Variants in AFF2 observed in about 807,000 individuals in gnomAD.
The protein encoded by AFF2 is ALF transcription elongation factor 2.
AFF2 carries 14 observed loss-of-function variants against 76.9 expected under a neutral mutation model. The observed-to-expected ratio is 0.18, with a 90% CI of 0.12 to 0.28. The LOEUF is 0.28. Among genes scored for constraint, AFF2 ranks in the 10% least tolerant of loss-of-function variants. The probability of loss-of-function intolerance (pLI) is 1.00; values close to 1 mark genes in which losing one functional copy is unlikely to be tolerated. For missense variants in AFF2, 868 were observed against 1,001.1 expected (o/e 0.87, Z 1.79); for synonymous variants, 398 against 366.7 (o/e 1.09, Z -0.98).
intron 3 of AFF2, among the ~76,000 whole-genome samples, chrX:148,791,252 G>A (rs1014211430): frequency 8.9e-6 from 1 of 112,012 alleles, no homozygotes; most frequent in Admixed American, 9.5e-5. Flanking sequence ...GCACCACATG[G>A]CTGGAGAGGC....
intron 1 of AFF2, among the ~76,000 whole-genome samples, chrX:148,632,737 A>C (rs1245707056): frequency 8.9e-6 from 1 of 112,049 alleles, no homozygotes; most frequent in Non-Finnish European, 1.9e-5. Context: ...AGTTATGTAA[A>C]GATGAATGTA....
intron 1 of AFF2, among the ~76,000 whole-genome samples, chrX:148,558,573 C>T (rs925379738): frequency 9.0e-6 from 1 of 111,508 alleles, no homozygotes; most frequent in Non-Finnish European, 1.9e-5. Context: ...ATAGAGAGTA[C>T]GTATGCTCTC....
chrX:148,830,857 G>A (rs915449969), intron 4 of AFF2, among the ~76,000 whole-genome samples: 3 of 111,240 alleles, frequency 2.7e-5, no homozygotes, highest in Non-Finnish European at 5.7e-5. Flanking sequence ...AATTTATTAA[G>A]CGGGAATTTC....
intron 1 of AFF2, among the ~76,000 whole-genome samples, chrX:148,509,953 A>G (rs1310911140): frequency 1.8e-5 from 2 of 110,901 alleles, no homozygotes; most frequent in Admixed American, 1.9e-4. Context: ...CCGTCCCTCA[A>G]ACTCCCATAC....
intron 3 of AFF2, among the ~76,000 whole-genome samples, chrX:148,680,388 G>A (rs2054534097): frequency 8.9e-6 from 1 of 112,184 alleles, no homozygotes; most frequent in Admixed American, 9.5e-5. Flanking sequence ...TATTGCATGT[G>A]CAGGCCTTTC....
At chrX:148,617,181 G>C (rs1370186934) in intron 1 of AFF2, among the ~76,000 whole-genome samples, 1 of 111,649 alleles carries the variant, frequency 9.0e-6, no homozygotes, top group Non-Finnish European at 1.9e-5. Context: ...CTAGTTGACA[G>C]TCCCACCAAC....
At chrX:148,818,956 C>G (rs1271964874) in intron 4 of AFF2, among the ~76,000 whole-genome samples, 1 of 111,063 alleles carries the variant, frequency 9.0e-6, no homozygotes, top group Admixed American at 9.6e-5. Context: ...AAGCAGCTAA[C>G]ACAGAATTGG....
chrX:148,785,371 C>T (rs1248722078), intron 3 of AFF2, among the ~76,000 whole-genome samples: 2 of 111,670 alleles, frequency 1.8e-5, no homozygotes, highest in African/African-American at 6.5e-5. Context: ...ATTTCTGGGA[C>T]ATTCTTATGG....
chrX:148,981,096 C>A (rs1461667657), intron 19 of AFF2, among the ~76,000 whole-genome samples: 1 of 112,034 alleles, frequency 8.9e-6, no homozygotes, highest in East Asian at 2.8e-4. Context: ...AGTGATTTTT[C>A]AATGATTCAC....
In AFF2 at chrX:148,606,442, A is replaced by G. The variant is rs139137960; in HGVS notation, c.48-45557A>G. Among the ~76,000 whole-genome samples the G allele has an allele frequency of 8.8e-3, 973 of 110,998 alleles. 4 individuals are homozygous for G. The highest frequency in any genetic ancestry group is 0.037 in the South Asian group (96 of 2,621). ...TAAGTTGCTAACACTAAGGAAAGGT[A>G]GTCAGAGAAGACACCTAAATTCTCT... On this transcript the variant is annotated intron_variant, in intron 1 of 20. Transcript: ENST00000370460.
intron 3 of AFF2, among the ~76,000 whole-genome samples, chrX:148,760,800 A>C (rs782513567): frequency 8.9e-6 from 1 of 112,373 alleles, no homozygotes; most frequent in African/African-American, 3.2e-5. Flanking sequence ...AATAAATAGT[A>C]TACACAGCTT....
Position 148,702,203 on chromosome X carries a change from T to C in AFF2, c.1041+39435T>C, listed in dbSNP as rs145586250. ...TGGTTGATGGATTCTCTCATAACTA[T>C]AGTTCATTTCTAAACATCTAAAACT... On this transcript the variant is annotated intron_variant, in intron 3 of 20. Coordinates refer to ENST00000370460, the MANE Select transcript of AFF2 (RefSeq NM_002025.4). 1.5e-3 allele frequency among the ~76,000 whole-genome samples: 164 copies of C among 111,876 alleles called. 2 individuals are homozygous for C. The East Asian group carries it at 0.024, about 16-fold the overall frequency.
intron 1 of AFF2, among the ~76,000 whole-genome samples, chrX:148,544,305 A>G (rs2052895393): frequency 8.9e-6 from 1 of 112,649 alleles, no homozygotes; most frequent in Non-Finnish European, 1.9e-5. Flanking sequence ...CCCACAAGAC[A>G]TCTTTCCTAT....
chrX:148,669,398 T>G (rs994002312), intron 3 of AFF2, among the ~76,000 whole-genome samples: 2 of 111,901 alleles, frequency 1.8e-5, no homozygotes, highest in African/African-American at 3.3e-5. Context: ...ACCAATTTCC[T>G]GTATTAGTCC....
chrX:148,581,342 A>ATACGTGTACACACATATACGTC (rs2053390475), intron 1 of AFF2, among the ~76,000 whole-genome samples: 1 of 85,060 alleles, frequency 1.2e-5, no homozygotes, highest in African/African-American at 4.2e-5. Flanking sequence ...ACGTATACGT[A>ATACGTGTACACACATATACGTC]TACGTGTACA....
intron 1 of AFF2, among the ~76,000 whole-genome samples, chrX:148,615,369 T>G (rs2053786841): frequency 8.9e-6 from 1 of 112,271 alleles, no homozygotes; most frequent in Admixed American, 9.4e-5. Flanking sequence ...AATGGAATTT[T>G]ACATTGACAG....
At chrX:148,941,488 C>T (rs995071723) in intron 9 of AFF2, among the ~76,000 whole-genome samples, 2 of 111,740 alleles carry the variant, frequency 1.8e-5, no homozygotes, top group Non-Finnish European at 3.8e-5. Flanking sequence ...ATAATGGAGT[C>T]ATCATTCTAA....
intron 3 of AFF2, among the ~76,000 whole-genome samples, chrX:148,785,691 G>A (rs781892993): frequency 8.9e-6 from 1 of 111,980 alleles, no homozygotes; most frequent in South Asian, 3.8e-4. Context: ...CTAGCTCTGA[G>A]GAACTGGCTC....
At chrX:148,964,374 C>T (rs1445873142) in intron 13 of AFF2, among the ~76,000 whole-genome samples, 4 of 111,814 alleles carry the variant, frequency 3.6e-5, no homozygotes, top group South Asian at 3.8e-4. Flanking sequence ...GTGGAGGAGG[C>T]GTTTCCTGAG....
Sources: allele counts gnomAD v4.1 joint callset (sites outside exome capture counted in the v4.1 genomes callset), GRCh38; gene constraint gnomAD v4.1.1; transcripts MANE v1.5; gene names NCBI Gene and HGNC (gene_info 2026-07-23, HGNC 2026-07-21).